Variants in COL25A1 observed in about 807,000 individuals in gnomAD.
The protein encoded by COL25A1 is collagen alpha-1(XXV) chain.
A neutral mutation model predicts 128.4 loss-of-function variants in COL25A1; 103 were observed. The observed-to-expected ratio is 0.80, with a 90% CI of 0.68 to 0.94. The LOEUF (loss-of-function observed/expected upper bound fraction) is 0.94. Ranked by LOEUF, COL25A1 falls within the 40% of genes least tolerant of loss-of-function variation. The pLI is 0.00. For missense variants in COL25A1, 745 were observed against 840.0 expected, an observed-to-expected ratio of 0.89 and a Z score of 1.40; for synonymous variants, 279 against 277.2, an observed-to-expected ratio of 1.01 and a Z score of -0.06.
Position 108,824,208 on chromosome 4 carries a change from C to T in COL25A1, c.1811G>A (p.Gly604Asp). 6.2e-7 allele frequency: 1 copy of T among 1,613,542 alleles called. No individual in the cohort carries two copies. The highest frequency in any genetic ancestry group is 8.5e-7 in the Non-Finnish European group (1 of 1,179,706). Residue 604 changes from glycine (G) to aspartate (D), a missense_variant, in exon 35 of 38, where the codon GGT becomes GAT. Around this residue, in one of 3 missense-constraint regions of COL25A1, gnomAD observed 387 missense variants for 441.9 expected, o/e 0.88. Transcript: ENST00000399132. The part of the protein sequence containing the change: ...PGLDGFPGPR[G>D]EKGDLGEKGE... ...CTTTTCTCCTAGATCACCCTTCTCA[C>T]CCCGTGGACCAGGGAAGCCCTGTAA...
chr4:109,257,222 C>T (rs1781140917), intron 3 of COL25A1, among the ~76,000 whole-genome samples: 1 of 152,166 alleles, frequency 6.6e-6, no homozygotes, highest in Non-Finnish European at 1.5e-5. Flanking sequence ...TGTCTTCATG[C>T]TGCACTTAAG....
intron 16 of COL25A1, among the ~76,000 whole-genome samples, chr4:108,892,194 G>A (rs535089235): frequency 9.2e-5 from 14 of 152,206 alleles, no homozygotes; most frequent in Middle Eastern, 3.4e-3. Context: ...CCCCAACTGC[G>A]TCTTAAGTAT....
intron 31 of COL25A1, among the ~76,000 whole-genome samples, chr4:108,833,154 A>G (rs1733368537): frequency 6.6e-6 from 1 of 152,194 alleles, no homozygotes; most frequent in African/African-American, 2.4e-5. Context: ...AGAGGCTTGA[A>G]CTGTTACACA....
At chr4:108,871,233 A>G (rs1738667754) in intron 19 of COL25A1, among the ~76,000 whole-genome samples, 1 of 152,204 alleles carries the variant, frequency 6.6e-6, no homozygotes, top group South Asian at 2.1e-4. Context: ...CAGAAAATTC[A>G]GGGGAAAATT....
chr4:108,850,476 G>A (rs1332150785), intron 26 of COL25A1, among the ~76,000 whole-genome samples: 2 of 151,894 alleles, frequency 1.3e-5, no homozygotes, highest in Admixed American at 1.3e-4. Context: ...GGGTGGGTGG[G>A]GTAGGGATGA....
At chr4:108,919,232 T>A (rs1052031899) in intron 12 of COL25A1, among the ~76,000 whole-genome samples, 1 of 152,134 alleles carries the variant, frequency 6.6e-6, no homozygotes, top group African/African-American at 2.4e-5. Context: ...AAAAAAACAG[T>A]AATTATAATC....
intron 3 of COL25A1, among the ~76,000 whole-genome samples, chr4:109,109,397 C>T (rs1579394943): frequency 6.6e-6 from 1 of 152,142 alleles, no homozygotes; most frequent in Non-Finnish European, 1.5e-5. Context: ...ATGTCTACCA[C>T]CATCTTTGTA....
At position 108,813,830 on chromosome 4, in the gene COL25A1, T is replaced by A; in HGVS notation, c.*97A>T. ...AGGAAGAAGCAGCCCTATGTAAACA[T>A]ATCTCAGACTTGTAAAATCTGCAAT... On this transcript the variant is annotated 3_prime_UTR_variant, in exon 38 of 38. Coordinates refer to ENST00000399132, the MANE Select transcript of COL25A1 (RefSeq NM_198721.4). 1.1e-6 allele frequency: 1 copy of A among 936,442 alleles called. No homozygotes were observed. Among genetic ancestry groups the A allele is most frequent in the Non-Finnish European group, 1.7e-6 (1 of 588,066 alleles). 58.0% of individuals were successfully genotyped at this position (936,442 alleles called of 1,614,324 possible). A position where few individuals can be genotyped will look rare whatever the true frequency, so the allele number is the denominator to read the frequency against.
chr4:109,057,421 ATTTTTTTTTTTTT>A (rs776941019), intron 3 of COL25A1, among the ~76,000 whole-genome samples: 12 of 20,238 alleles, frequency 5.9e-4, no homozygotes, highest in Non-Finnish European at 7.0e-4. Flanking sequence ...TGCCTAGCTA[ATTTTTTTTTTTTT>A]TTTTTTTTTT....
chr4:109,197,455 TATAA>T (rs1162691075), intron 3 of COL25A1, among the ~76,000 whole-genome samples: 4 of 117,468 alleles, frequency 3.4e-5, no homozygotes, highest in Non-Finnish European at 5.2e-5. Flanking sequence ...ATATATTATA[TATAA>T]ATATTATATA....
intron 3 of COL25A1, among the ~76,000 whole-genome samples, chr4:109,126,210 T>C (rs1768588052): frequency 6.6e-6 from 1 of 152,208 alleles, no homozygotes; most frequent in Non-Finnish European, 1.5e-5. Context: ...ATGAAAAACA[T>C]ACTTTCTTGA....
At chr4:109,093,850 C>T (rs753767625) in intron 3 of COL25A1, among the ~76,000 whole-genome samples, 1 of 151,978 alleles carries the variant, frequency 6.6e-6, no homozygotes, top group Non-Finnish European at 1.5e-5. Flanking sequence ...TCAAATTTAT[C>T]ATCAAAAGCC....
intron 8 of COL25A1, among the ~76,000 whole-genome samples, chr4:108,969,085 G>A (rs2125982756): frequency 6.6e-6 from 1 of 152,250 alleles, no homozygotes; most frequent in African/African-American, 2.4e-5. Context: ...GTGTCCTCAA[G>A]ACTCCTCCCT....
chr4:109,045,291 C>T (rs1415107716), intron 5 of COL25A1, among the ~76,000 whole-genome samples: 1 of 152,058 alleles, frequency 6.6e-6, no homozygotes, highest in African/African-American at 2.4e-5. Flanking sequence ...CTGTGGATTT[C>T]TCACTGAGCA....
At chr4:108,938,804 C>T (rs1044178696) in intron 10 of COL25A1, among the ~76,000 whole-genome samples, 11 of 151,900 alleles carry the variant, frequency 7.2e-5, no homozygotes, top group Admixed American at 1.3e-4. Context: ...TTGCAGTGAG[C>T]GGAGATCACA....
chr4:109,254,803 C>T (rs1213794513), intron 3 of COL25A1, among the ~76,000 whole-genome samples: 1 of 152,034 alleles, frequency 6.6e-6, no homozygotes, highest in Non-Finnish European at 1.5e-5. Context: ...GATTCTGCTA[C>T]ATTTTTGACA....
intron 3 of COL25A1, among the ~76,000 whole-genome samples, chr4:109,245,261 T>C (rs981527394): frequency 2.6e-5 from 4 of 152,170 alleles, no homozygotes; most frequent in Admixed American, 1.3e-4. Context: ...CAGTTTGTTA[T>C]AGCCAAATAT....
At chr4:109,222,602 C>T (rs945874425) in intron 3 of COL25A1, among the ~76,000 whole-genome samples, 39 of 152,178 alleles carry the variant, frequency 2.6e-4, no homozygotes, top group African/African-American at 9.4e-4. Flanking sequence ...TAAATTCCAT[C>T]ATCTTTTACT....
intron 13 of COL25A1, among the ~76,000 whole-genome samples, chr4:108,903,091 G>A (rs555598342): frequency 3.3e-5 from 5 of 151,866 alleles, no homozygotes; most frequent in South Asian, 2.1e-4. Flanking sequence ...CCCTGGAACC[G>A]GACAAAATTC....
Sources: gnomAD v4.1 joint callset for allele counts (sites outside exome capture counted in the v4.1 genomes callset) on GRCh38, gnomAD v4.1.1 for gene constraint, gnomAD v4.1.1 regional missense constraint, MANE v1.5 for transcripts, NCBI Gene and HGNC (gene_info 2026-07-23, HGNC 2026-07-21) for gene names.